Variants in PTPRN2 observed in about 807,000 individuals in gnomAD.
PTPRN2 encodes protein tyrosine phosphatase receptor type N2.
In PTPRN2, 74 loss-of-function variants were observed where a neutral mutation model predicts 118.8. The observed-to-expected ratio is 0.62, with a 90% confidence interval of 0.52 to 0.76. The LOEUF is 0.76. Among genes scored for constraint, PTPRN2 ranks in the 30% least tolerant of loss-of-function variants. PTPRN2 has a pLI of 0.00. For synonymous variants in PTPRN2, 641 were observed against 608.0 expected (o/e 1.05, Z -0.80); for missense variants, 1,481 against 1,394.4 (o/e 1.06, Z -0.99).
Position 158,037,985 on chromosome 7 carries a change from C to T in PTPRN2, c.1723+43313G>A, listed in dbSNP as rs190655194. On this transcript the variant is annotated intron_variant, in intron 11 of 22. Coordinates refer to ENST00000389418, the MANE Select transcript of PTPRN2 (RefSeq NM_002847.5). ...ATGATGTCTGAATCCGCTAACCTCC[C>T]GCTTTGGGTCTCACTTGGGAGGAGA... is the stretch of plus-strand genomic sequence containing the variant. Among the ~76,000 whole-genome samples the T allele has an allele frequency of 2.1e-4, 32 of 152,304 alleles. 1 individual carries two copies. Among genetic ancestry groups the T allele is most frequent in the East Asian group, 3.9e-4 (2 of 5,182 alleles).
chr7:157,908,074 GC>G (rs1383877484), intron 11 of PTPRN2, among the ~76,000 whole-genome samples: 3 of 152,242 alleles, frequency 2.0e-5, no homozygotes. Flanking sequence ...TGGTGAGGCT[GC>G]AGGTTCTGGC....
chr7:158,257,480 T>C (rs1797105098), intron 3 of PTPRN2, among the ~76,000 whole-genome samples: 1 of 152,194 alleles, frequency 6.6e-6, no homozygotes, highest in Non-Finnish European at 1.5e-5. Context: ...CAGTCAGGCA[T>C]CCTGTATTCA....
intron 2 of PTPRN2, among the ~76,000 whole-genome samples, chr7:158,373,980 C>G (rs1470668209): frequency 6.6e-6 from 1 of 152,198 alleles, no homozygotes; most frequent in Non-Finnish European, 1.5e-5. Flanking sequence ...GCTGTGGGTG[C>G]TGGGCTGGGC....
At position 157,560,329 on chromosome 7, in the gene PTPRN2, G is replaced by C. The variant is rs2150490541; in HGVS notation, c.2902+8573C>G. The stretch of plus-strand genomic sequence containing the variant: ...AAGACCCCCGAGGAGACCATCGAAG[G>C]ATGGTGGGCAGTGCTGCCCACACGG... On this transcript the variant is annotated intron_variant, in intron 21 of 22. Coordinates refer to ENST00000389418, the MANE Select transcript of PTPRN2 (RefSeq NM_002847.5). This position sits in a 1 kb window ranked among gnomAD's most constrained non-coding sequence, Gnocchi z 6.7. Among the ~76,000 whole-genome samples, 1 of 152,258 alleles carries C rather than the reference G, an allele frequency of 6.6e-6. No individual in the cohort carries two copies. Among genetic ancestry groups the C allele is most frequent in the East Asian group, 1.9e-4 (1 of 5,184 alleles).
chr7:158,065,288 G>A (rs1218572635), intron 11 of PTPRN2, among the ~76,000 whole-genome samples: 1 of 152,198 alleles, frequency 6.6e-6, no homozygotes, highest in Non-Finnish European at 1.5e-5. Context: ...GCAGCTTCAG[G>A]TGAGTTTTCT....
At chr7:158,238,982 A>G (rs1795737212) in intron 3 of PTPRN2, among the ~76,000 whole-genome samples, 1 of 152,024 alleles carries the variant, frequency 6.6e-6, no homozygotes, top group Admixed American at 6.5e-5. Context: ...CTGAATGGAG[A>G]AGAGGGTGCT....
At position 157,662,299 on chromosome 7, in the gene PTPRN2, G is replaced by A. The variant is rs562403358; in HGVS notation, c.2002-5748C>T. Reference sequence around the variant, plus strand: ...GGTGATTATTTGCTGTTCCTACTACGATGATTATTAGTTTATTCAAAATCA... The same window carrying A: ...GGTGATTATTTGCTGTTCCTACTACAATGATTATTAGTTTATTCAAAATCA... On this transcript the variant is annotated intron_variant, in intron 13 of 22. Coordinates refer to ENST00000389418, the MANE Select transcript of PTPRN2 (RefSeq NM_002847.5). Among the ~76,000 whole-genome samples, 58 of 152,294 alleles carry A rather than the reference G, an allele frequency of 3.8e-4. No homozygotes were observed. The Middle Eastern group carries it at 0.014, about 36-fold the overall frequency.
At chr7:158,155,567 GCCATCATCACCATCA>G (rs1563529134) in intron 6 of PTPRN2, among the ~76,000 whole-genome samples, 2 of 8,500 alleles carry the variant, frequency 2.4e-4, no homozygotes, top group Non-Finnish European at 5.1e-4. Flanking sequence ...CATCATCATT[GCCATCATCACCATCA>G]CCATCATCAC....
At chr7:158,336,444 CCACACAT>C (rs1805549488) in intron 2 of PTPRN2, among the ~76,000 whole-genome samples, 1 of 102,304 alleles carries the variant, frequency 9.8e-6, no homozygotes, top group Non-Finnish European at 2.3e-5. Context: ...TCACTCACAC[CCACACAT>C]GTCACTCACA....
At chr7:158,383,805 A>T (rs1408424579) in intron 2 of PTPRN2, among the ~76,000 whole-genome samples, 1 of 152,258 alleles carries the variant, frequency 6.6e-6, no homozygotes, top group East Asian at 1.9e-4. Flanking sequence ...AGAGAGGCAC[A>T]CAGTAGCAGC....
chr7:157,842,976 G>C (rs1296600990), intron 12 of PTPRN2, among the ~76,000 whole-genome samples: 9 of 152,168 alleles, frequency 5.9e-5, no homozygotes, highest in Admixed American at 5.9e-4. Flanking sequence ...AGATCCATTG[G>C]ACCCGGCCTC....
At chr7:158,163,952 C>T (rs1021523695) in intron 6 of PTPRN2, among the ~76,000 whole-genome samples, 1 of 152,070 alleles carries the variant, frequency 6.6e-6, no homozygotes, top group African/African-American at 2.4e-5. Flanking sequence ...CTGCGTATTT[C>T]CTATTTGCCG....
chr7:158,036,632 A>G (rs1023301695), intron 11 of PTPRN2, among the ~76,000 whole-genome samples: 2 of 152,234 alleles, frequency 1.3e-5, no homozygotes, highest in African/African-American at 4.8e-5. Context: ...TACTCCATGT[A>G]ATTCACTTTA....
At chr7:157,706,040 A>C (rs188020156) in intron 12 of PTPRN2, among the ~76,000 whole-genome samples, 98 of 151,922 alleles carry the variant, frequency 6.5e-4, no homozygotes, top group African/African-American at 2.3e-3. Flanking sequence ...TTCCAAATCA[A>C]CGTGGACCAC....
At position 158,517,209 on chromosome 7, in the gene PTPRN2, C is replaced by T. The variant is rs1373472795; in HGVS notation, c.113-27424G>A. 2.6e-5 allele frequency among the ~76,000 whole-genome samples: 4 copies of T among 152,232 alleles called. No individual in the cohort carries two copies. Among genetic ancestry groups the T allele is most frequent in the Non-Finnish European group, 5.9e-5 (4 of 68,046 alleles). On this transcript the variant is annotated intron_variant, in intron 1 of 22. Transcript: ENST00000389418. This position sits in a 1 kb window ranked among gnomAD's most constrained non-coding sequence, Gnocchi z 5.3. ...GGTGGCATTGACCCCCATTCCTGTC[C>T]CACAGTTGAGGGCTGCCCCACAGGC...
rs1399716231 is a variant in PTPRN2, at chr7:157,617,116, T to TG, written c.2344+4245dup. 2.0e-5 allele frequency: 3 copies of TG among 152,176 alleles called. No homozygotes were observed. The highest frequency in any genetic ancestry group is 2.9e-5 in the Non-Finnish European group (2 of 68,062). 9.4% of individuals were successfully genotyped at this position (152,176 alleles called of 1,614,324 possible). A position where few individuals can be genotyped will look rare whatever the true frequency, so the allele number is the denominator to read the frequency against. ...AACCCCAAAGTTCTTGTCGGCCAAG[T>TG]GGGGGGGTTTCTTGTGAGGACCAGA... On this transcript the variant is annotated intron_variant, in intron 15 of 22. Transcript: ENST00000389418. This position sits in a 1 kb window ranked among gnomAD's most constrained non-coding sequence, Gnocchi z 7.5.
intron 12 of PTPRN2, among the ~76,000 whole-genome samples, chr7:157,866,805 A>G (rs1584910310): frequency 1.3e-5 from 1 of 77,206 alleles, no homozygotes; most frequent in African/African-American, 5.3e-5. Context: ...CCCGCCCCCG[A>G]CGCCCTGGAT....
At chr7:157,769,045 G>T (rs1802645251) in intron 12 of PTPRN2, among the ~76,000 whole-genome samples, 1 of 152,156 alleles carries the variant, frequency 6.6e-6, no homozygotes, top group Non-Finnish European at 1.5e-5. Flanking sequence ...CCGTAATGTT[G>T]GCATAATTTT....
In PTPRN2 at chr7:158,098,127, G is replaced by A. The variant is rs73748056; in HGVS notation, c.1643+12702C>T. ...AGGACGTGGAAGTAAGGCTTGCGTG[G>A]TCCCCTGCACATGAGCACACACGCA... On this transcript the variant is annotated intron_variant, in intron 10 of 22. Transcript: ENST00000389418. Among the ~76,000 whole-genome samples, 1,351 of 152,310 alleles carry A rather than the reference G, an allele frequency of 8.9e-3. 20 individuals are homozygous for A. The highest frequency in any genetic ancestry group is 0.031 in the African/African-American group (1,273 of 41,572).
Sources: allele counts gnomAD v4.1 joint callset (sites outside exome capture counted in the v4.1 genomes callset), GRCh38; gene constraint gnomAD v4.1.1; non-coding constraint Gnocchi (gnomAD v3.1); transcripts MANE v1.5; gene names NCBI Gene and HGNC (gene_info 2026-07-23, HGNC 2026-07-21).